The following MAGI2 variants were observed in gnomAD, a reference collection of about 807,000 sequenced individuals.
The protein encoded by MAGI2 is membrane associated guanylate kinase, WW and PDZ domain containing 2.
Under a neutral mutation model 133.3 loss-of-function variants are expected in MAGI2, and 35 were observed. The ratio of observed to expected loss-of-function variants is 0.26; its 90% CI spans 0.20 to 0.35. The LOEUF (loss-of-function observed/expected upper bound fraction) is 0.35, where lower values mean the gene tolerates loss of function less well. Ranked by LOEUF, MAGI2 falls within the 10% of genes least tolerant of loss-of-function variation. The probability of loss-of-function intolerance (pLI) is 1.00; values close to 1 mark genes in which losing one functional copy is unlikely to be tolerated. For synonymous variants in MAGI2, 729 were observed against 710.6 expected (o/e 1.03, Z -0.41); for missense variants, 1,636 against 1,863.4 (o/e 0.88, Z 2.25).
chr7:78,263,803 C>T (rs1718522179), intron 9 of MAGI2, among the ~76,000 whole-genome samples: 1 of 152,156 alleles, frequency 6.6e-6, no homozygotes, highest in African/African-American at 2.4e-5. Flanking sequence ...TCCAAACTTT[C>T]TAGCATGACA....
chr7:78,606,558 T>C (rs555006546), intron 3 of MAGI2, among the ~76,000 whole-genome samples: 78 of 152,282 alleles, frequency 5.1e-4, no homozygotes, highest in African/African-American at 1.8e-3. Flanking sequence ...ATGTTTTTCC[T>C]TGTGTGCTAG....
intron 9 of MAGI2, among the ~76,000 whole-genome samples, chr7:78,270,930 CT>C (rs1019687706): frequency 3.9e-4 from 60 of 152,166 alleles, no homozygotes; most frequent in African/African-American, 1.4e-3. Flanking sequence ...TTGACTTCCT[CT>C]TTTCCTAATT....
intron 20 of MAGI2, among the ~76,000 whole-genome samples, chr7:78,086,679 A>G (rs2107657): frequency 0.71 from 107,162 of 150,600 alleles, 38,225 homozygotes; most frequent in East Asian, 0.77. Flanking sequence ...TTGTCACCCA[A>G]GCTGGAGTGT....
chr7:79,391,665 T>C (rs1442208269), intron 1 of MAGI2, among the ~76,000 whole-genome samples: 1 of 150,966 alleles, frequency 6.6e-6, no homozygotes, highest in Non-Finnish European at 1.5e-5. Flanking sequence ...CATGCCGTCA[T>C]GTAGGTGTTT....
At chr7:79,419,548 C>T (rs539176477) in intron 1 of MAGI2, among the ~76,000 whole-genome samples, 56 of 152,132 alleles carry the variant, frequency 3.7e-4, no homozygotes, top group Admixed American at 1.4e-3. Flanking sequence ...TAACCCATAG[C>T]TGTTTTGGCT....
At chr7:78,928,763 C>T (rs540600502) in intron 2 of MAGI2, among the ~76,000 whole-genome samples, 8 of 151,886 alleles carry the variant, frequency 5.3e-5, no homozygotes, top group Middle Eastern at 3.4e-3. Context: ...AGAAATGCAC[C>T]GGAGAGAACA....
rs577345810 is a variant in MAGI2 at position 79,388,943 on chromosome 7, A to T, written c.301+64077T>A. ...ATGGTAGCATTATTAAAATAAGTAT[A>T]TAACCTTTCCATAATTTAGTATATT... On this transcript the variant is annotated intron_variant, in intron 1 of 21. Transcript: ENST00000354212. Among the ~76,000 whole-genome samples the T allele has an allele frequency of 1.1e-3, 162 of 151,920 alleles. 3 individuals are homozygous for T. Among genetic ancestry groups the T allele is most frequent in the African/African-American group, 3.7e-3 (154 of 41,520 alleles).
At chr7:78,797,645 C>A (rs958938204) in intron 2 of MAGI2, among the ~76,000 whole-genome samples, 5 of 152,074 alleles carry the variant, frequency 3.3e-5, no homozygotes, top group African/African-American at 1.2e-4. Flanking sequence ...GTATTTAGTA[C>A]CAAAACACAG....
chr7:79,009,413 A>G (rs1807822209), intron 1 of MAGI2, among the ~76,000 whole-genome samples: 1 of 152,130 alleles, frequency 6.6e-6, no homozygotes, highest in African/African-American at 2.4e-5. Flanking sequence ...ATTATAACAA[A>G]ATTTCACATA....
intron 1 of MAGI2, among the ~76,000 whole-genome samples, chr7:79,281,294 G>T (rs1365904486): frequency 1.3e-5 from 2 of 152,172 alleles, no homozygotes; most frequent in Admixed American, 6.6e-5. Flanking sequence ...ATCTAGGGTT[G>T]AAGCTAGAAA....
chr7:78,748,502 T>C (rs1471911599), intron 2 of MAGI2, among the ~76,000 whole-genome samples: 1 of 152,204 alleles, frequency 6.6e-6, no homozygotes, highest in East Asian at 1.9e-4. Context: ...ACATACACTA[T>C]GAAAAAGTGT....
chr7:78,976,446 A>G (rs1804257137), intron 2 of MAGI2, among the ~76,000 whole-genome samples: 1 of 151,224 alleles, frequency 6.6e-6, no homozygotes. Context: ...GAACATCCAC[A>G]AAAAATAAAT....
intron 10 of MAGI2, among the ~76,000 whole-genome samples, chr7:78,216,199 T>A (rs920601681): frequency 3.3e-5 from 5 of 152,240 alleles, no homozygotes; most frequent in African/African-American, 1.2e-4. Flanking sequence ...ACCTGTGCCA[T>A]AGCAATTCAA....
intron 2 of MAGI2, among the ~76,000 whole-genome samples, chr7:78,647,824 G>C (rs1811059789): frequency 6.6e-6 from 1 of 152,070 alleles, no homozygotes; most frequent in South Asian, 2.1e-4. Flanking sequence ...CCATAAAAAA[G>C]GATGAGTTCA....
intron 2 of MAGI2, among the ~76,000 whole-genome samples, chr7:78,694,683 C>T (rs1296945393): frequency 6.6e-6 from 1 of 152,114 alleles, no homozygotes; most frequent in East Asian, 1.9e-4. Flanking sequence ...ACAGCCACAC[C>T]TGGATTTAAA....
intron 3 of MAGI2, among the ~76,000 whole-genome samples, chr7:78,551,334 T>C (rs895933240): frequency 6.6e-6 from 1 of 152,222 alleles, no homozygotes; most frequent in Non-Finnish European, 1.5e-5. Flanking sequence ...GTTTACACTG[T>C]TTTTTTGTTT....
intron 1 of MAGI2, among the ~76,000 whole-genome samples, chr7:79,447,136 C>T (rs1015665343): frequency 2.0e-5 from 3 of 151,904 alleles, no homozygotes; most frequent in African/African-American, 7.3e-5. Context: ...AATATGAAGT[C>T]CTTTTAGAGT....
At chr7:78,748,734 AT>A (rs1823169569) in intron 2 of MAGI2, among the ~76,000 whole-genome samples, 1 of 149,728 alleles carries the variant, frequency 6.7e-6, no homozygotes, top group South Asian at 2.2e-4. Flanking sequence ...GGTTCTGAAT[AT>A]AAAATGAAAG....
intron 9 of MAGI2, among the ~76,000 whole-genome samples, chr7:78,296,698 T>C (rs1203242665): frequency 1.3e-5 from 2 of 152,190 alleles, no homozygotes; most frequent in African/African-American, 4.8e-5. Flanking sequence ...TTCTCCAAAA[T>C]TGAGTAACTT....
Sources: gnomAD v4.1 joint callset for allele counts (sites outside exome capture counted in the v4.1 genomes callset) on GRCh38, gnomAD v4.1.1 for gene constraint, MANE v1.5 for transcripts, NCBI Gene and HGNC (gene_info 2026-07-23, HGNC 2026-07-21) for gene names.